TRMT9B: variants seen among roughly 807,000 people sequenced by gnomAD.
The protein encoded by TRMT9B is probable tRNA methyltransferase 9B.
In TRMT9B, 16 loss-of-function variants were observed where a neutral mutation model predicts 11.5. The observed-to-expected ratio is 1.39, with a 90% CI of 0.94 to 2.11. The LOEUF is 2.11. TRMT9B is among the 30% of genes most tolerant of loss of function. The pLI is 0.00. For synonymous variants in TRMT9B, 274 were observed against 192.4 expected (o/e 1.42, Z -3.51); for missense variants, 941 against 553.8 (o/e 1.70, Z -7.02).
chr8:13,019,584 G>A (rs977429931), intron 4 of TRMT9B, among the ~76,000 whole-genome samples: 4 of 152,178 alleles, frequency 2.6e-5, no homozygotes, highest in African/African-American at 9.6e-5. Context: ...ATGAGCCACT[G>A]CACACAGCAC....
At chr8:12,969,880 T>A (rs1221163235) in intron 1 of TRMT9B, 1 of 146,534 alleles carries the variant, frequency 6.8e-6, no homozygotes, top group Non-Finnish European at 1.5e-5. Context: ...AGACACATGG[T>A]CTTGCTATGT....
intron 3 of TRMT9B, chr8:13,010,973 C>G: frequency 1.1e-6 from 1 of 899,928 alleles, no homozygotes; most frequent in Non-Finnish European, 1.3e-6. Context: ...AAATAATAAT[C>G]CTGGAATTGT....
At chr8:12,949,542 C>T (rs1374938046) in intron 1 of TRMT9B, among the ~76,000 whole-genome samples, 3 of 152,190 alleles carry the variant, frequency 2.0e-5, no homozygotes, top group African/African-American at 7.2e-5. Context: ...CACTGAAATG[C>T]CGCTTATGAT....
At chr8:13,015,837 T>A (rs1393545275) in intron 4 of TRMT9B, among the ~76,000 whole-genome samples, 3 of 152,178 alleles carry the variant, frequency 2.0e-5, no homozygotes, top group African/African-American at 7.2e-5. Context: ...CACACCTAGT[T>A]ACCATCTTCG....
chr8:13,014,386 G>A (rs1301061702), intron 4 of TRMT9B, among the ~76,000 whole-genome samples: 1 of 152,162 alleles, frequency 6.6e-6, no homozygotes, highest in African/African-American at 2.4e-5. Context: ...GCAGGGTAAG[G>A]TTCTGGTAGG....
At chr8:12,986,521 T>C (rs1806336598) in intron 1 of TRMT9B, among the ~76,000 whole-genome samples, 1 of 152,240 alleles carries the variant, frequency 6.6e-6, no homozygotes, top group Non-Finnish European at 1.5e-5. Context: ...CAAAATCAGT[T>C]ACCAGTATCT....
In TRMT9B at chr8:12,996,854, G is replaced by T. The variant is rs376219940; in HGVS notation, c.-2+5823G>T. Among the ~76,000 whole-genome samples, 7 of 152,064 alleles carry T rather than the reference G, an allele frequency of 4.6e-5. No individual in the cohort carries two copies. The East Asian group carries it at 1.3e-3, about 29-fold the overall frequency. ...CCCCAGGACCACCTCCCAACCCCCA[G>T]TGCTCCCTGCCAGCTGCTACCCCAG... On this transcript the variant is annotated intron_variant, in intron 2 of 4. Coordinates refer to ENST00000524591, the MANE Select transcript of TRMT9B (RefSeq NM_020844.3).
intron 3 of TRMT9B, chr8:13,011,488 G>C: frequency 1.0e-6 from 1 of 980,728 alleles, no homozygotes; most frequent in Non-Finnish European, 1.2e-6. Flanking sequence ...CATCAGTAAT[G>C]CCAATAAGTA....
At position 12,966,630 on chromosome 8, in the gene TRMT9B, G is replaced by A. The variant is rs75212855; in HGVS notation, c.-200+20664G>A. On this transcript the variant is annotated intron_variant, in intron 1 of 4. Coordinates refer to ENST00000524591, the MANE Select transcript of TRMT9B (RefSeq NM_020844.3). ...TTATTTAAATTGGTCTAAATTTTTA[G>A]TTCAGTGCCCATTTATTTAGCCTGG... 1.1e-3 allele frequency among the ~76,000 whole-genome samples: 163 copies of A among 152,232 alleles called. 4 individuals are homozygous for A. The East Asian group carries it at 0.027, about 25-fold the overall frequency.
chr8:12,948,138 C>A lies in TRMT9B; in HGVS notation c.-200+2172C>A, dbSNP rs190298432. Among the ~76,000 whole-genome samples, 957 of 152,288 alleles carry A rather than the reference C, an allele frequency of 6.3e-3. 11 individuals are homozygous for A. The highest frequency in any genetic ancestry group is 0.022 in the African/African-American group (904 of 41,560). On this transcript the variant is annotated intron_variant, in intron 1 of 4. Transcript: ENST00000524591. ...AAATGCATTTAACACACCTAACCTACTGAACATGATAGCTTGGTTTAGCTT... is the reference window on the plus strand; with the variant it reads ...AAATGCATTTAACACACCTAACCTAATGAACATGATAGCTTGGTTTAGCTT...
chr8:12,983,112 C>G (rs1033264003), intron 1 of TRMT9B, among the ~76,000 whole-genome samples: 9 of 152,128 alleles, frequency 5.9e-5, no homozygotes, highest in African/African-American at 2.2e-4. Context: ...GTCAAAAAGA[C>G]CTGCAGATAC....
chr8:12,992,415 G>T (rs1009074308), intron 2 of TRMT9B, among the ~76,000 whole-genome samples: 1 of 152,036 alleles, frequency 6.6e-6, no homozygotes, highest in Non-Finnish European at 1.5e-5. Context: ...AGCTCTTTGG[G>T]AGGCCTGGGT....
Position 12,971,483 on chromosome 8 carries a change from G to A in TRMT9B, c.-199-19351G>A, listed in dbSNP as rs550671515. ...GTTTAACATATTGTATTGGTGTTCCGACTTCAAATTGTGTATTAGCTGGAT... is the reference window on the plus strand; with the variant it reads ...GTTTAACATATTGTATTGGTGTTCCAACTTCAAATTGTGTATTAGCTGGAT... On this transcript the variant is annotated intron_variant, in intron 1 of 4. Coordinates refer to ENST00000524591, the MANE Select transcript of TRMT9B (RefSeq NM_020844.3). Among the ~76,000 whole-genome samples, 7 of 152,238 alleles carry A rather than the reference G, an allele frequency of 4.6e-5. No homozygotes were observed. The South Asian group carries it at 1.0e-3, about 23-fold the overall frequency.
chr8:12,952,921 C>G (rs756239228), intron 1 of TRMT9B, among the ~76,000 whole-genome samples: 2 of 152,044 alleles, frequency 1.3e-5, no homozygotes, highest in Non-Finnish European at 2.9e-5. Flanking sequence ...TGTATTTTTA[C>G]TAGAGACGGG....
At chr8:12,963,551 G>T (rs1042413275) in intron 1 of TRMT9B, among the ~76,000 whole-genome samples, 1 of 152,042 alleles carries the variant, frequency 6.6e-6, no homozygotes, top group African/African-American at 2.4e-5. Context: ...GGAATTCAAG[G>T]CCAGCCTGGG....
intron 2 of TRMT9B, among the ~76,000 whole-genome samples, chr8:13,004,402 G>C (rs946374605): frequency 3.3e-5 from 5 of 151,628 alleles, no homozygotes; most frequent in African/African-American, 1.2e-4. Flanking sequence ...GGCTCCAAAA[G>C]AGCCCTTCCT....
Position 12,990,930 on chromosome 8 carries a change from A to T in TRMT9B, c.-103A>T. On this transcript the variant is annotated 5_prime_UTR_variant, in exon 2 of 5. Transcript: ENST00000524591. ...CTACAAGTTTTCATTTACGTTACAC[A>T]TTGAGAAAGTTATGAGAAGCAACTG... 1 of 1,289,282 alleles carries T rather than the reference A, an allele frequency of 7.8e-7. No homozygotes were observed. Among genetic ancestry groups the T allele is most frequent in the South Asian group, 1.2e-5 (1 of 80,944 alleles). The allele number at this position is 1,289,282 out of a possible 1,614,324, so 79.9% of individuals were successfully genotyped here. A position where few individuals can be genotyped will look rare whatever the true frequency, so the allele number is the denominator to read the frequency against.
intron 2 of TRMT9B, among the ~76,000 whole-genome samples, chr8:13,005,153 G>A (rs1810225336): frequency 6.6e-6 from 1 of 152,014 alleles, no homozygotes; most frequent in Non-Finnish European, 1.5e-5. Flanking sequence ...GATGGATCTG[G>A]AGGTCATTAT....
Position 12,983,237 on chromosome 8 carries a change from A to G in TRMT9B, c.-199-7597A>G, listed in dbSNP as rs1157123728. 7.2e-5 allele frequency among the ~76,000 whole-genome samples: 11 copies of G among 152,308 alleles called. No individual in the cohort carries two copies. The East Asian group carries it at 1.7e-3, about 24-fold the overall frequency. ...GTCGATGGCATGGTGAAAAGGTGCA[A>G]TGGGCTTATTTAAGGACTAGAGCAG... On this transcript the variant is annotated intron_variant, in intron 1 of 4. Coordinates refer to ENST00000524591, the MANE Select transcript of TRMT9B (RefSeq NM_020844.3).
Sources: gnomAD v4.1 joint callset for allele counts (sites outside exome capture counted in the v4.1 genomes callset) on GRCh38, gnomAD v4.1.1 for gene constraint, MANE v1.5 for transcripts, NCBI Gene and HGNC (gene_info 2026-07-23, HGNC 2026-07-21) for gene names.